Variants in DNAH8 observed in about 807,000 individuals in gnomAD.
DNAH8 encodes dynein axonemal heavy chain 8.
Under a neutral mutation model 562.1 loss-of-function variants are expected in DNAH8, and 382 were observed. That is an observed-to-expected ratio of 0.68 (90% CI 0.63 to 0.74). The LOEUF is 0.74. Among genes scored for constraint, DNAH8 ranks in the 30% least tolerant of loss-of-function variants. DNAH8 has a pLI of 0.00. For missense variants in DNAH8, 5,203 were observed against 5,620.4 expected (o/e 0.93, Z 2.37); for synonymous variants, 1,881 against 1,919.4 (o/e 0.98, Z 0.52).
Position 38,935,615 on chromosome 6 carries a change from A to G in DNAH8, c.11481A>G (p.Lys3827=). 6.2e-7 allele frequency: 1 copy of G among 1,612,942 alleles called. No individual in the cohort carries two copies. Among genetic ancestry groups the G allele is most frequent in the Non-Finnish European group, 8.5e-7 (1 of 1,179,604 alleles). Residue 3827 remains lysine, a synonymous_variant, in exon 77 of 93, where the codon AAA becomes AAG. Coordinates refer to ENST00000327475, the MANE Select transcript of DNAH8 (RefSeq NM_001206927.2). ...EKQELEAERV[K]LLEDVTFNKR... ...AGGAGTTAGAGGCTGAGAGGGTTAA[A>G]CTTTTGGAGGATGTTACTTTTAATA...
At chr6:38,817,472 G>C (rs1583084855) in intron 26 of DNAH8, among the ~76,000 whole-genome samples, 1 of 152,162 alleles carries the variant, frequency 6.6e-6, no homozygotes, top group East Asian at 1.9e-4. Context: ...GGTCTCATGG[G>C]GTGTTCCCTA....
rs1425528912 is a variant in DNAH8, at chr6:38,786,887, C to T, written c.2518C>T (p.Pro840Ser). The part of the protein sequence containing the change: ...KCMIKMKLDV[P>S]EQAKRLLKLE... Reference sequence around the variant, plus strand: ...TATGATAAAAATGAAGTTGGATGTACCAGAACAGGCAAAGAGATTGCTAAA... The same window carrying T: ...TATGATAAAAATGAAGTTGGATGTATCAGAACAGGCAAAGAGATTGCTAAA... Residue 840 changes from proline to serine, a missense_variant, in exon 18 of 93, where the codon CCA (proline) becomes TCA (serine). By Grantham distance (74) the Pro-to-Ser change is moderately conservative. Coordinates refer to ENST00000327475, the MANE Select transcript of DNAH8 (RefSeq NM_001206927.2). 6.2e-7 allele frequency: 1 copy of T among 1,612,272 alleles called. No homozygotes were observed. The highest frequency in any genetic ancestry group is 2.2e-5 in the East Asian group (1 of 44,722).
At chr6:38,825,426 G>A (rs142113655) in intron 28 of DNAH8, among the ~76,000 whole-genome samples, 12 of 152,270 alleles carry the variant, frequency 7.9e-5, no homozygotes, top group Non-Finnish European at 1.3e-4. Flanking sequence ...ACACATTTGA[G>A]CTATGTTAAG....
At chr6:38,884,756 A>G (rs895896205) in intron 56 of DNAH8, among the ~76,000 whole-genome samples, 8 of 152,190 alleles carry the variant, frequency 5.3e-5, no homozygotes, top group Non-Finnish European at 1.2e-4. Flanking sequence ...AAAAAACAAA[A>G]ACAAAAAATG....
chr6:38,957,002 A>AT (rs1762287070), intron 82 of DNAH8, among the ~76,000 whole-genome samples: 1 of 152,188 alleles, frequency 6.6e-6, no homozygotes, highest in Non-Finnish European at 1.5e-5. Flanking sequence ...GGCTTAATGG[A>AT]TTTTTTAAAA....
intron 37 of DNAH8, among the ~76,000 whole-genome samples, chr6:38,849,460 G>A (rs1583176963): frequency 2.0e-5 from 3 of 151,904 alleles, no homozygotes; most frequent in East Asian, 3.9e-4. Context: ...AGGTTTAGTC[G>A]ATGAAGGTAA....
At chr6:38,757,044 G>C (rs1765982372) in intron 10 of DNAH8, among the ~76,000 whole-genome samples, 1 of 152,156 alleles carries the variant, frequency 6.6e-6, no homozygotes, top group East Asian at 1.9e-4. Context: ...CCAGTAATGG[G>C]ATTGCTGGGT....
At chr6:38,999,934 A>AACACACACACACAC (rs61608266) in intron 88 of DNAH8, among the ~76,000 whole-genome samples, 2 of 146,662 alleles carry the variant, frequency 1.4e-5, no homozygotes, top group African/African-American at 4.9e-5. Context: ...CACACACACA[A>AACACACACACACAC]ACACACACAC....
At chr6:38,816,317 A>G (rs573230966) in intron 26 of DNAH8, among the ~76,000 whole-genome samples, 80 of 152,172 alleles carry the variant, frequency 5.3e-4, no homozygotes, top group African/African-American at 1.8e-3. Flanking sequence ...GCTCCCACTT[A>G]CAAGTGAGAA....
At chr6:38,884,402 C>A (rs1469240933) in intron 56 of DNAH8, among the ~76,000 whole-genome samples, 1 of 152,160 alleles carries the variant, frequency 6.6e-6, no homozygotes, top group Non-Finnish European at 1.5e-5. Context: ...AAGCAATTCT[C>A]CCTTCCTCAG....
chr6:38,973,121 A>G (rs1179442960), intron 83 of DNAH8, among the ~76,000 whole-genome samples: 4 of 152,204 alleles, frequency 2.6e-5, no homozygotes, highest in Non-Finnish European at 5.9e-5. Context: ...ATTTATTTAG[A>G]AAGTGCTTAA....
At chr6:38,725,331 A>AATAATAATAATAATAATG (rs1228527565) in intron 3 of DNAH8, among the ~76,000 whole-genome samples, 3 of 148,758 alleles carry the variant, frequency 2.0e-5, no homozygotes, top group Non-Finnish European at 4.5e-5. Flanking sequence ...TAATAATAAT[A>AATAATAATAATAATAATG]ATAATAAAGA....
At position 38,898,329 on chromosome 6, in the gene DNAH8, A is replaced by G. The variant is rs1779838311; in HGVS notation, c.9012A>G (p.Gly3004=). The G allele has an allele frequency of 6.3e-7, 1 of 1,588,882 alleles. No homozygotes were observed. The highest frequency in any genetic ancestry group is 1.8e-5 in the Admixed American group (1 of 54,414). The change falls in exon 61 of 93, where the codon GGA becomes GGG. Residue 3004 remains glycine, a synonymous_variant. Coordinates refer to ENST00000327475, the MANE Select transcript of DNAH8 (RefSeq NM_001206927.2). ...YQRQFNEIIR[G]TSLDLVFFKD... Reference sequence around the variant, plus strand: ...GACAGTTCAATGAAATCATTAGAGGAACATCTCTTGATCTGGTGTTTTTTA... The same window carrying G: ...GACAGTTCAATGAAATCATTAGAGGGACATCTCTTGATCTGGTGTTTTTTA...
chr6:38,779,943 CATTCAGCTTTG>C lies in DNAH8; in HGVS notation c.2040-19_2040-9del. The C allele has an allele frequency of 6.3e-7, 1 of 1,596,790 alleles. No individual in the cohort carries two copies. Among genetic ancestry groups the C allele is most frequent in the Non-Finnish European group, 8.6e-7 (1 of 1,165,046 alleles). ...GTATATTTCTCATTTACTTTTTAAC[CATTCAGCTTTG>C]ATTACTTTTAGGTTTCAGAAGCTGA... On this transcript the variant is annotated splice_polypyrimidine_tract_variant and intron_variant, in intron 14 of 92. Coordinates refer to ENST00000327475, the MANE Select transcript of DNAH8 (RefSeq NM_001206927.2).
intron 88 of DNAH8, 44 bp from the exon 89 acceptor site, chr6:39,008,770 C>G: frequency 1.7e-6 from 2 of 1,188,302 alleles, no homozygotes; most frequent in Non-Finnish European, 2.3e-6. Context: ...TTATCTCTTA[C>G]ATGTTTCCCT....
intron 26 of DNAH8, among the ~76,000 whole-genome samples, chr6:38,816,858 A>G (rs182782729): frequency 1.3e-3 from 198 of 151,904 alleles, no homozygotes; most frequent in African/African-American, 4.5e-3. Flanking sequence ...TTTTTTTTAT[A>G]TATGTTTTTT....
intron 72 of DNAH8, 56 bp downstream of exon 72, chr6:38,923,241 A>T: frequency 6.3e-7 from 1 of 1,597,620 alleles, no homozygotes. Context: ...TAGAGAACAT[A>T]AAGTCCATTT....
At position 38,987,397 on chromosome 6, in the gene DNAH8, A is replaced by G. The variant is rs373922039; in HGVS notation, c.13054-2615A>G. Among the ~76,000 whole-genome samples, 495 of 152,210 alleles carry G rather than the reference A, an allele frequency of 3.3e-3. 4 individuals are homozygous for G. Among genetic ancestry groups the G allele is most frequent in the Non-Finnish European group, 5.8e-3 (395 of 68,002 alleles). ...ACTTCAACCCTCTCCTAGAAACCCA[A>G]GATTCTCTGTCCTCTGGGCCTGGGA... On this transcript the variant is annotated intron_variant, in intron 87 of 92. Coordinates refer to ENST00000327475, the MANE Select transcript of DNAH8 (RefSeq NM_001206927.2).
chr6:38,818,537 C>CAAAAAAAAAAAAGAAAA (rs775835573), intron 26 of DNAH8, among the ~76,000 whole-genome samples: 1 of 75,886 alleles, frequency 1.3e-5, no homozygotes, highest in African/African-American at 6.2e-5. Context: ...AAAGCAAAAG[C>CAAAAAAAAAAAAGAAAA]AAAAAAAAAA....
Sources: gnomAD v4.1 joint callset for allele counts (sites outside exome capture counted in the v4.1 genomes callset) on GRCh38, gnomAD v4.1.1 for gene constraint, MANE v1.5 for transcripts, NCBI Gene and HGNC (gene_info 2026-07-23, HGNC 2026-07-21) for gene names.